The following CTNNA2 variants were observed in gnomAD, a reference collection of about 807,000 sequenced individuals.
CTNNA2 encodes the protein catenin alpha 2, also known as catenin alpha-2.
CTNNA2 carries 42 observed loss-of-function variants against 101.0 expected under a neutral mutation model. That is an observed-to-expected ratio of 0.42 (90% CI 0.32 to 0.54). CTNNA2 has a LOEUF of 0.54. CTNNA2 is among the 20% of genes least tolerant of loss of function. The pLI is 0.14. For missense variants in CTNNA2, 871 were observed against 1,223.1 expected (o/e 0.71, Z 4.29); for synonymous variants, 450 against 456.4 (o/e 0.99, Z 0.18).
intron 3 of CTNNA2, among the ~76,000 whole-genome samples, chr2:79,316,857 C>G: frequency 6.6e-6 from 1 of 151,616 alleles, no homozygotes; most frequent in East Asian, 1.9e-4. Context: ...TATATACAGA[C>G]AATTTTACTT....
intron 7 of CTNNA2, among the ~76,000 whole-genome samples, chr2:80,383,128 C>T (rs1676668358): frequency 6.6e-6 from 1 of 151,878 alleles, no homozygotes; most frequent in Non-Finnish European, 1.5e-5. Context: ...TGAAAAATGT[C>T]TTTTATGCAG....
intron 14 of CTNNA2, among the ~76,000 whole-genome samples, chr2:80,584,416 G>A (rs545241170): frequency 1.7e-4 from 26 of 149,110 alleles, no homozygotes; most frequent in African/African-American, 6.4e-4. Context: ...AACATTCTGA[G>A]GGAGAGGAGA....
At chr2:80,085,941 T>C (rs1435559233) in intron 7 of CTNNA2, among the ~76,000 whole-genome samples, 1 of 152,054 alleles carries the variant, frequency 6.6e-6, no homozygotes, top group African/African-American at 2.4e-5. Flanking sequence ...ATGGGACATG[T>C]ATGCCTACGG....
At chr2:80,237,873 C>T (rs1709627119) in intron 7 of CTNNA2, among the ~76,000 whole-genome samples, 1 of 152,070 alleles carries the variant, frequency 6.6e-6, no homozygotes, top group African/African-American at 2.4e-5. Flanking sequence ...ACCTGCCCTT[C>T]ATTGAAGGGC....
intron 2 of CTNNA2, among the ~76,000 whole-genome samples, chr2:79,205,548 A>C (rs755347893): frequency 2.0e-5 from 3 of 152,202 alleles, no homozygotes; most frequent in Non-Finnish European, 2.9e-5. Context: ...CTAGTTAACC[A>C]GTATGCTGTT....
chr2:80,608,629 C>G (rs1698217722), intron 17 of CTNNA2: 1 of 210,838 alleles, frequency 4.7e-6, no homozygotes, highest in Admixed American at 5.2e-5. Flanking sequence ...TGTATATTTA[C>G]TCATTGTGAG....
At chr2:80,485,892 G>A (rs181152781) in intron 9 of CTNNA2, among the ~76,000 whole-genome samples, 1 of 152,212 alleles carries the variant, frequency 6.6e-6, no homozygotes, top group Admixed American at 6.5e-5. Flanking sequence ...TTTATCTTGA[G>A]CTTCATGATG....
intron 4 of CTNNA2, among the ~76,000 whole-genome samples, chr2:79,391,020 C>A (rs1372632062): frequency 1.3e-5 from 2 of 152,128 alleles, no homozygotes; most frequent in Non-Finnish European, 2.9e-5. Flanking sequence ...AGTAGAAAAG[C>A]AAAGTCAAGG....
intron 7 of CTNNA2, among the ~76,000 whole-genome samples, chr2:80,053,073 A>G (rs1391772729): frequency 2.0e-5 from 3 of 152,162 alleles, no homozygotes; most frequent in African/African-American, 7.2e-5. Flanking sequence ...TTAAAGTTTT[A>G]ATTTCAGTAT....
intron 7 of CTNNA2, among the ~76,000 whole-genome samples, chr2:79,989,731 G>T (rs1263728169): frequency 6.6e-6 from 1 of 152,124 alleles, no homozygotes; most frequent in Admixed American, 6.6e-5. Context: ...TCTAGGCCTG[G>T]CTTCCTTATA....
chr2:80,390,858 G>A (rs1677442081), intron 7 of CTNNA2, among the ~76,000 whole-genome samples: 2 of 152,112 alleles, frequency 1.3e-5, no homozygotes, highest in Admixed American at 6.5e-5. Context: ...TAGGTCGGGC[G>A]TGGTGGCTCA....
intron 9 of CTNNA2, among the ~76,000 whole-genome samples, chr2:80,505,681 T>C (rs916725755): frequency 2.0e-5 from 3 of 152,204 alleles, no homozygotes; most frequent in African/African-American, 7.2e-5. Flanking sequence ...TTCAAGTTGT[T>C]CCCAACGTCC....
intron 9 of CTNNA2, among the ~76,000 whole-genome samples, chr2:80,540,492 G>T (rs1018352707): frequency 6.6e-6 from 1 of 151,864 alleles, no homozygotes; most frequent in Non-Finnish European, 1.5e-5. Flanking sequence ...AGCTACTGGT[G>T]AGGCTGAGAC....
At chr2:79,585,698 C>A (rs60852823) in intron 1 of CTNNA2, among the ~76,000 whole-genome samples, 5,269 of 152,174 alleles carry the variant, frequency 0.035, 273 homozygotes, top group African/African-American at 0.12. Context: ...GGCCTGCACT[C>A]CATGCTGGCT....
At chr2:80,613,948 G>GA in intron 17 of CTNNA2, among the ~76,000 whole-genome samples, 1 of 151,492 alleles carries the variant, frequency 6.6e-6, no homozygotes, top group Non-Finnish European at 1.5e-5. Flanking sequence ...TTTAAGAAGA[G>GA]TGTCCCCTGA....
At chr2:79,438,358 T>A (rs186195829) in intron 4 of CTNNA2, among the ~76,000 whole-genome samples, 3 of 152,248 alleles carry the variant, frequency 2.0e-5, no homozygotes, top group African/African-American at 7.2e-5. Flanking sequence ...CCTGTGAGGT[T>A]GGGTAATCTA....
chr2:80,551,151 A>G (rs1692522969), intron 11 of CTNNA2, among the ~76,000 whole-genome samples: 1 of 152,226 alleles, frequency 6.6e-6, no homozygotes, highest in African/African-American at 2.4e-5. Flanking sequence ...GAGCAATAAC[A>G]TTTTGAAAAG....
intron 4 of CTNNA2, among the ~76,000 whole-genome samples, chr2:79,502,720 T>C (rs1190925453): frequency 6.6e-6 from 1 of 152,194 alleles, no homozygotes; most frequent in Non-Finnish European, 1.5e-5. Flanking sequence ...TTTTGTTGGC[T>C]GGGGATGATA....
At chr2:79,250,424 G>A (rs997571526) in intron 2 of CTNNA2, among the ~76,000 whole-genome samples, 1 of 152,068 alleles carries the variant, frequency 6.6e-6, no homozygotes, top group African/African-American at 2.4e-5. Context: ...TAATTACTGG[G>A]TTTACTTGGA....
Sources: allele counts gnomAD v4.1 joint callset (sites outside exome capture counted in the v4.1 genomes callset), GRCh38; gene constraint gnomAD v4.1.1; transcripts MANE v1.5; gene names NCBI Gene and HGNC (gene_info 2026-07-23, HGNC 2026-07-21).